The following ADAMTS15 variants were observed in gnomAD, a reference collection of about 807,000 sequenced individuals.
The protein encoded by ADAMTS15 is A disintegrin and metalloproteinase with thrombospondin motifs 15.
A neutral mutation model predicts 79.1 loss-of-function variants in ADAMTS15; 35 were observed. That is an observed-to-expected ratio of 0.44 (90% CI 0.34 to 0.59). ADAMTS15 has a LOEUF of 0.59. Ranked by LOEUF, ADAMTS15 falls within the 20% of genes least tolerant of loss-of-function variation. The probability of loss-of-function intolerance (pLI) is 0.02; values close to 1 mark genes in which losing one functional copy is unlikely to be tolerated. For synonymous variants in ADAMTS15, 616 were observed against 567.3 expected, an observed-to-expected ratio of 1.09 and a Z score of -1.22; for missense variants, 1,324 against 1,318.7, an observed-to-expected ratio of 1.00 and a Z score of -0.06.
chr11:130,456,059 A>C (rs1249897625), intron 1 of ADAMTS15, among the ~76,000 whole-genome samples: 1 of 152,116 alleles, frequency 6.6e-6, no homozygotes, highest in African/African-American at 2.4e-5. Flanking sequence ...CTCTCTGTCT[A>C]ACCTTGGGCT....
At chr11:130,461,377 G>T in intron 1 of ADAMTS15, 112 bp from the exon 2 acceptor site, 1 of 1,489,632 alleles carries the variant, frequency 6.7e-7, no homozygotes, top group African/African-American at 1.4e-5. Context: ...GCCTGGTGAG[G>T]TTGGAATGAG....
chr11:130,467,885 G>A (rs1399033504), intron 4 of ADAMTS15, among the ~76,000 whole-genome samples: 3 of 151,508 alleles, frequency 2.0e-5, no homozygotes, highest in African/African-American at 7.3e-5. Context: ...CTTCTTAAAA[G>A]AAACTTCAGA....
rs1445129582 is a variant in ADAMTS15 at position 130,470,191 on chromosome 11, T to C, written c.1721-729T>C. ...ATATATATATATATATGTGTGTATA[T>C]ATATATATATATATATATGTATATA... is the stretch of plus-strand genomic sequence containing the variant. On this transcript the variant is annotated intron_variant, in intron 5 of 7. Coordinates refer to ENST00000299164, the MANE Select transcript of ADAMTS15 (RefSeq NM_139055.4). 3.9e-4 allele frequency among the ~76,000 whole-genome samples: 20 copies of C among 51,778 alleles called. 1 individual carries two copies. Among genetic ancestry groups the C allele is most frequent in the African/African-American group, 1.1e-3 (11 of 10,316 alleles). The allele number at this position is 51,778 out of a possible 152,430, so 34.0% of individuals were successfully genotyped here.
chr11:130,467,936 G>A (rs530941612), intron 4 of ADAMTS15, among the ~76,000 whole-genome samples: 2 of 152,236 alleles, frequency 1.3e-5, no homozygotes, highest in South Asian at 2.1e-4. Flanking sequence ...GCCCCTGATC[G>A]AGGTTAAGAT....
Position 130,449,968 on chromosome 11 carries a change from C to G in ADAMTS15, c.957+38C>G. ...GCCGTCACTTTGCACCCAGATAGTC[C>G]CGTTCTTTAGGGTCACCTCCCCTAG... is the stretch of plus-strand genomic sequence containing the variant. On this transcript the variant is annotated intron_variant, in intron 1 of 7. Transcript: ENST00000299164. This position sits in a 1 kb window ranked among gnomAD's most constrained non-coding sequence, Gnocchi z 7.8. 1 of 1,584,886 alleles carries G rather than the reference C, an allele frequency of 6.3e-7. No homozygotes were observed. The highest frequency in any genetic ancestry group is 8.5e-7 in the Non-Finnish European group (1 of 1,170,072).
intron 5 of ADAMTS15, among the ~76,000 whole-genome samples, chr11:130,470,169 T>TATATAC (rs1938410373): frequency 1.6e-5 from 1 of 61,250 alleles, no homozygotes; most frequent in African/African-American, 1.0e-4. Context: ...TATATATATA[T>TATATAC]ATATATATAT....
At chr11:130,470,158 A>ACG (rs1203509179) in intron 5 of ADAMTS15, among the ~76,000 whole-genome samples, 10 of 50,012 alleles carry the variant, frequency 2.0e-4, no homozygotes, top group African/African-American at 6.8e-4. Context: ...ATATGTGTAT[A>ACG]TATATATATA....
At chr11:130,470,154 G>GTATA (rs869166777) in intron 5 of ADAMTS15, among the ~76,000 whole-genome samples, 1,597 of 55,372 alleles carry the variant, frequency 0.029, 87 homozygotes, top group Admixed American at 0.072. Flanking sequence ...ATATATATGT[G>GTATA]TATATATATA....
At chr11:130,461,383 A>C in intron 1 of ADAMTS15, 106 bp from the exon 2 acceptor site, 1 of 1,510,624 alleles carries the variant, frequency 6.6e-7, no homozygotes. Flanking sequence ...TGAGGTTGGA[A>C]TGAGATGAGC....
intron 1 of ADAMTS15, among the ~76,000 whole-genome samples, chr11:130,456,814 C>T (rs1367983688): frequency 2.6e-5 from 4 of 152,198 alleles, no homozygotes; most frequent in Non-Finnish European, 5.9e-5. Flanking sequence ...CCCTGCAGTC[C>T]TGTGAGTATA....
rs78272889 is a variant in ADAMTS15 at position 130,474,092 on chromosome 11, C to T, written c.*271C>T. 1.8e-3 allele frequency: 725 copies of T among 395,980 alleles called. 7 individuals carry two copies. Among genetic ancestry groups the T allele is most frequent in the African/African-American group, 0.013 (644 of 49,326 alleles). The allele number at this position is 395,980 out of a possible 1,614,324, so 24.5% of individuals were successfully genotyped here. On this transcript the variant is annotated 3_prime_UTR_variant, in exon 8 of 8. Coordinates refer to ENST00000299164, the MANE Select transcript of ADAMTS15 (RefSeq NM_139055.4). ...GCTTTGAGGTGCAGGGCAGAAGGTGCTGAGGCCCAGTTTCCAAGGAACTTG... is the reference window on the plus strand; with the variant it reads ...GCTTTGAGGTGCAGGGCAGAAGGTGTTGAGGCCCAGTTTCCAAGGAACTTG...
intron 1 of ADAMTS15, among the ~76,000 whole-genome samples, chr11:130,452,995 A>T (rs1393085332): frequency 6.6e-6 from 1 of 152,016 alleles, no homozygotes; most frequent in African/African-American, 2.4e-5. Context: ...AAAAAAAAAA[A>T]AAATTGCGGC....
At chr11:130,455,958 G>C (rs557405401) in intron 1 of ADAMTS15, among the ~76,000 whole-genome samples, 29 of 152,330 alleles carry the variant, frequency 1.9e-4, no homozygotes, top group African/African-American at 7.0e-4. Context: ...CATTCTTGGG[G>C]CGATATGCAC....
Position 130,462,111 on chromosome 11 carries a change from A to G in ADAMTS15, c.1115A>G (p.Asp372Gly), listed in dbSNP as rs139285573. 1 of 1,613,858 alleles carries G rather than the reference A, an allele frequency of 6.2e-7. No homozygotes were observed. Among genetic ancestry groups the G allele is most frequent in the African/African-American group, 1.3e-5 (1 of 74,960 alleles). ...GGCCACGTGTTCAACATGCCCCATG[A>G]CAATGTGAAAGTCTGTGAGGAGGTG... ...ELGHVFNMPH[D>G]NVKVCEEVFG... The change falls in exon 3 of 8, where the codon GAC becomes GGC. Residue 372 changes from aspartate to glycine, a missense_variant. Asp to Gly is a moderately conservative substitution (Grantham distance 94, BLOSUM62 -1). Transcript: ENST00000299164. This position sits in a 1 kb window ranked among gnomAD's most constrained non-coding sequence, Gnocchi z 4.3.
At chr11:130,450,354 T>C (rs991552958) in intron 1 of ADAMTS15, 7 of 985,230 alleles carry the variant, frequency 7.1e-6, no homozygotes, top group Middle Eastern at 5.2e-4. Flanking sequence ...CCTCCTGAGG[T>C]CTCCTTTCAA....
chr11:130,473,977 C>T lies in ADAMTS15; in HGVS notation c.*156C>T. The T allele has an allele frequency of 9.5e-7, 1 of 1,052,050 alleles. No individual in the cohort carries two copies. The highest frequency in any genetic ancestry group is 1.3e-6 in the Non-Finnish European group (1 of 749,308). 65.2% of individuals were successfully genotyped at this position (1,052,050 alleles called of 1,614,324 possible). On this transcript the variant is annotated 3_prime_UTR_variant, in exon 8 of 8. Transcript: ENST00000299164. ...ACCATGGGCTGGGGCGAGAGGTTCC[C>T]TCCTCCTCCCTGGACTGGGCAGAGG...
At chr11:130,453,492 C>G (rs962839663) in intron 1 of ADAMTS15, among the ~76,000 whole-genome samples, 3 of 151,790 alleles carry the variant, frequency 2.0e-5, no homozygotes, top group African/African-American at 7.3e-5. Flanking sequence ...ATTCTGTCAC[C>G]CAGGCCATCA....
At chr11:130,470,728 T>C (rs912367411) in intron 5 of ADAMTS15, among the ~76,000 whole-genome samples, 192 bp from the exon 6 acceptor site, 1 of 152,036 alleles carries the variant, frequency 6.6e-6, no homozygotes, top group Non-Finnish European at 1.5e-5. Context: ...GCTCAGGGGA[T>C]GTGTTTTCAT....
At position 130,471,859 on chromosome 11, in the gene ADAMTS15, G is replaced by T. The variant is rs186296660; in HGVS notation, c.2078+476G>T. On this transcript the variant is annotated intron_variant, in intron 7 of 7. Coordinates refer to ENST00000299164, the MANE Select transcript of ADAMTS15 (RefSeq NM_139055.4). ...TAGTCCAAGTAACACGGTTAGCATCGTAGCTTCACCTTGATGAGGCTGAAC... is the reference window on the plus strand; with the variant it reads ...TAGTCCAAGTAACACGGTTAGCATCTTAGCTTCACCTTGATGAGGCTGAAC... Among the ~76,000 whole-genome samples, 13 of 152,314 alleles carry T rather than the reference G, an allele frequency of 8.5e-5. No homozygotes were observed. The East Asian group carries it at 2.5e-3, about 29-fold the overall frequency.
Sources: gnomAD v4.1 joint callset for allele counts (sites outside exome capture counted in the v4.1 genomes callset) on GRCh38, gnomAD v4.1.1 for gene constraint, Gnocchi (gnomAD v3.1) non-coding constraint, MANE v1.5 for transcripts, NCBI Gene and HGNC (gene_info 2026-07-23, HGNC 2026-07-21) for gene names.